The following HPSE2 variants were observed in gnomAD, a reference collection of about 807,000 sequenced individuals.
HPSE2 encodes the protein inactive heparanase-2.
A neutral mutation model predicts 60.5 loss-of-function variants in HPSE2; 38 were observed. The observed-to-expected ratio is 0.63, with a 90% CI of 0.48 to 0.82. The LOEUF (loss-of-function observed/expected upper bound fraction) is 0.82, where lower values mean the gene tolerates loss of function less well. Among genes scored for constraint, HPSE2 ranks in the 40% least tolerant of loss-of-function variants. The pLI is 0.00. For synonymous variants in HPSE2, 295 were observed against 293.2 expected (o/e 1.01, Z -0.06); for missense variants, 713 against 740.4 (o/e 0.96, Z 0.43).
chr10:98,530,525 T>C (rs17459534), intron 9 of HPSE2, among the ~76,000 whole-genome samples: 5,003 of 152,272 alleles, frequency 0.033, 152 homozygotes, highest in African/African-American at 0.087. Context: ...CAAGGGATCT[T>C]GAGGCAAGTG....
intron 3 of HPSE2, among the ~76,000 whole-genome samples, chr10:98,749,910 T>TTATA (rs925910717): frequency 1.1e-4 from 10 of 90,258 alleles, no homozygotes; most frequent in Admixed American, 4.7e-4. Context: ...TTTATATATT[T>TTATA]TATATATATA....
intron 6 of HPSE2, among the ~76,000 whole-genome samples, chr10:98,690,372 C>T (rs1345814033): frequency 2.0e-5 from 3 of 152,072 alleles, no homozygotes; most frequent in East Asian, 1.9e-4. Context: ...AACCCCATCT[C>T]TAATAAACAT....
chr10:98,648,320 A>T (rs573415953), intron 6 of HPSE2, among the ~76,000 whole-genome samples: 173 of 152,316 alleles, frequency 1.1e-3, no homozygotes, highest in African/African-American at 4.1e-3. Flanking sequence ...TAGGGAAATC[A>T]TATGCAGCTT....
the HPSE2 span, among the ~76,000 whole-genome samples, chr10:99,258,054 T>C: frequency 6.6e-6 from 1 of 151,692 alleles, no homozygotes; most frequent in South Asian, 2.1e-4. Context: ...GGCAGGAGAA[T>C]CACTTGAACC....
chr10:99,099,123 T>C (rs1235725152), intron 3 of HPSE2, among the ~76,000 whole-genome samples: 1 of 152,142 alleles, frequency 6.6e-6, no homozygotes, highest in East Asian at 1.9e-4. Context: ...TTCATCTCAC[T>C]GGGGCTTGTC....
chr10:99,030,358 G>T (rs892593500), intron 3 of HPSE2, among the ~76,000 whole-genome samples: 1 of 152,154 alleles, frequency 6.6e-6, no homozygotes, highest in Non-Finnish European at 1.5e-5. Context: ...TTTCTGAAAA[G>T]AAGATATACA....
intron 2 of HPSE2, among the ~76,000 whole-genome samples, chr10:99,232,097 C>G (rs896250806): frequency 6.6e-6 from 1 of 152,092 alleles, no homozygotes; most frequent in Non-Finnish European, 1.5e-5. Context: ...ACCCCCTTTG[C>G]GCAATGAGGT....
chr10:99,053,155 G>T (rs1016938810), intron 3 of HPSE2, among the ~76,000 whole-genome samples: 1 of 151,732 alleles, frequency 6.6e-6, no homozygotes, highest in Non-Finnish European at 1.5e-5. Context: ...GTAGTTTAAT[G>T]AAAAAATTAT....
At chr10:98,531,849 T>A (rs1943141196) in intron 9 of HPSE2, among the ~76,000 whole-genome samples, 1 of 152,164 alleles carries the variant, frequency 6.6e-6, no homozygotes, top group Admixed American at 6.5e-5. Context: ...CAAGTTACTT[T>A]ATCTCTCTGT....
chr10:98,716,967 G>A (rs1213338974), intron 5 of HPSE2, among the ~76,000 whole-genome samples: 1 of 151,970 alleles, frequency 6.6e-6, no homozygotes, highest in Non-Finnish European at 1.5e-5. Context: ...GATTTTCAGA[G>A]TTTCAGATTT....
chr10:99,169,398 A>G (rs1346995548), intron 2 of HPSE2, among the ~76,000 whole-genome samples: 2 of 148,420 alleles, frequency 1.3e-5, no homozygotes, highest in African/African-American at 5.0e-5. Context: ...CCAGCTACTC[A>G]GGAAGGTGAG....
intron 9 of HPSE2, among the ~76,000 whole-genome samples, chr10:98,551,981 C>A (rs959803379): frequency 5.3e-5 from 8 of 152,140 alleles, no homozygotes; most frequent in Non-Finnish European, 1.0e-4. Flanking sequence ...TTTTAATAAC[C>A]AGGCAAACTT....
In HPSE2 at chr10:98,508,353, A is replaced by G. The variant is rs189226070; in HGVS notation, c.1321-18157T>C. 5.1e-3 allele frequency among the ~76,000 whole-genome samples: 771 copies of G among 152,348 alleles called. 5 individuals are homozygous for G. The highest frequency in any genetic ancestry group is 8.8e-3 in the Non-Finnish European group (598 of 68,036). ...GAACCAAAATAAATAGGAAAAGAGA[A>G]ACTGACAGAAGTTTACAGAATTTGC... On this transcript the variant is annotated intron_variant, in intron 9 of 11. Transcript: ENST00000370552.
chr10:99,245,926 T>C, the HPSE2 span, among the ~76,000 whole-genome samples: 22 of 152,274 alleles, frequency 1.4e-4, no homozygotes, highest in Middle Eastern at 3.4e-3. Flanking sequence ...GGACAACTGT[T>C]AGAAGCAATG....
At chr10:98,675,850 T>C (rs1230935086) in intron 6 of HPSE2, among the ~76,000 whole-genome samples, 4 of 151,950 alleles carry the variant, frequency 2.6e-5, no homozygotes, top group Admixed American at 2.0e-4. Flanking sequence ...GGAAATTTTT[T>C]TGTAGAGATA....
chr10:98,928,755 G>A lies in HPSE2; in HGVS notation c.611-184699C>T, dbSNP rs1287231930. Reference sequence around the variant, plus strand: ...TCGCAAGAACAAAAAACCAAACACCGCATATTCTCACTCATAGGTGGGAAT... The same window carrying A: ...TCGCAAGAACAAAAAACCAAACACCACATATTCTCACTCATAGGTGGGAAT... On this transcript the variant is annotated intron_variant, in intron 3 of 11. Transcript: ENST00000370552. 2.2e-4 allele frequency among the ~76,000 whole-genome samples: 29 copies of A among 131,060 alleles called. 4 individuals carry two copies. Among genetic ancestry groups the A allele is most frequent in the African/African-American group, 5.7e-4 (17 of 29,810 alleles). 86.0% of individuals were successfully genotyped at this position (131,060 alleles called of 152,430 possible).
In HPSE2 at chr10:99,126,494, T is replaced by C. The variant is rs1442239999; in HGVS notation, c.610+17744A>G. 1.3e-5 allele frequency among the ~76,000 whole-genome samples: 2 copies of C among 152,134 alleles called. No individual in the cohort carries two copies. Among genetic ancestry groups the C allele is most frequent in the Non-Finnish European group, 2.9e-5 (2 of 68,020 alleles). On this transcript the variant is annotated intron_variant, in intron 3 of 11. Coordinates refer to ENST00000370552, the MANE Select transcript of HPSE2 (RefSeq NM_021828.5). The surrounding 1 kb of genome is among the most constrained non-coding windows in gnomAD (Gnocchi z 4.0). ...TAGATCTCCTTACTACTGTTGCAGC[T>C]GGTGCTCTCTTGAAAGTGCCACCTT...
At chr10:99,232,891 C>T (rs1849708765) in intron 1 of HPSE2, among the ~76,000 whole-genome samples, 1 of 152,276 alleles carries the variant, frequency 6.6e-6, no homozygotes, top group Admixed American at 6.5e-5. Flanking sequence ...GCGCTCCGGG[C>T]GGAGACGCGC....
chr10:99,201,728 C>T (rs1455006734), intron 2 of HPSE2, among the ~76,000 whole-genome samples: 1 of 152,166 alleles, frequency 6.6e-6, no homozygotes, highest in Non-Finnish European at 1.5e-5. Flanking sequence ...TCCAAATACT[C>T]CTGATTATGA....
Sources: gnomAD v4.1 joint callset for allele counts (sites outside exome capture counted in the v4.1 genomes callset) on GRCh38, gnomAD v4.1.1 for gene constraint, Gnocchi (gnomAD v3.1) non-coding constraint, MANE v1.5 for transcripts, NCBI Gene and HGNC (gene_info 2026-07-23, HGNC 2026-07-21) for gene names.